The following SHC4 variants were observed in gnomAD, a reference collection of about 807,000 sequenced individuals.
SHC4 encodes SHC adaptor protein 4.
Under a neutral mutation model 69.4 loss-of-function variants are expected in SHC4, and 41 were observed. The ratio of observed to expected loss-of-function variants is 0.59; its 90% CI spans 0.46 to 0.77. The LOEUF (loss-of-function observed/expected upper bound fraction) is 0.77, where lower values mean the gene tolerates loss of function less well. SHC4 is among the 30% of genes least tolerant of loss of function. The probability of loss-of-function intolerance (pLI) is 0.00; values close to 1 mark genes in which losing one functional copy is unlikely to be tolerated. For missense variants in SHC4, 777 were observed against 783.8 expected, an observed-to-expected ratio of 0.99 and a Z score of 0.10; for synonymous variants, 318 against 299.3, an observed-to-expected ratio of 1.06 and a Z score of -0.64.
intron 1 of SHC4, among the ~76,000 whole-genome samples, chr15:48,960,306 A>G (rs1406825931): frequency 6.6e-6 from 1 of 152,186 alleles, no homozygotes; most frequent in African/African-American, 2.4e-5. Context: ...GAGGAAAGGA[A>G]AGCTGAGGCA....
Position 48,924,939 on chromosome 15 carries a change from C to A in SHC4, c.596G>T (p.Cys199Phe), listed in dbSNP as rs1301016344. ...GMNYCVRYMG[C>F]VEVLQSMRSL... ...TCTCATTGATTGCAGCACTTCAACA[C>A]AGCCCATGTACTACAATAAGAAGAA... The change falls in exon 2 of 12, where the codon TGT becomes TTT. Residue 199 changes from cysteine to phenylalanine, a missense_variant. Transcript: ENST00000332408. The A allele has an allele frequency of 6.2e-7, 1 of 1,614,070 alleles. No homozygotes were observed. Among genetic ancestry groups the A allele is most frequent in the Non-Finnish European group, 8.5e-7 (1 of 1,179,994 alleles).
intron 1 of SHC4, among the ~76,000 whole-genome samples, chr15:48,932,021 T>C (rs758448578): frequency 3.3e-5 from 5 of 152,168 alleles, no homozygotes; most frequent in South Asian, 4.2e-4. Flanking sequence ...TCAAGGATGA[T>C]CCAGTGTATT....
At chr15:48,859,180 A>G (rs914382107) in intron 6 of SHC4, among the ~76,000 whole-genome samples, 1 of 152,240 alleles carries the variant, frequency 6.6e-6, no homozygotes, top group Non-Finnish European at 1.5e-5. Flanking sequence ...ACAGTAAGTT[A>G]TAACAGAACC....
intron 2 of SHC4, among the ~76,000 whole-genome samples, chr15:48,918,507 T>C (rs2141020881): frequency 6.6e-6 from 1 of 152,374 alleles, no homozygotes; most frequent in East Asian, 1.9e-4. Context: ...ACTATTCAGG[T>C]TGTTTTGTTA....
intron 6 of SHC4, among the ~76,000 whole-genome samples, chr15:48,860,804 G>C (rs1313827487): frequency 6.6e-6 from 1 of 152,214 alleles, no homozygotes; most frequent in South Asian, 2.1e-4. Context: ...ATGTGACCTT[G>C]AACAAGTCAC....
chr15:48,961,520 C>A (rs1379650086), intron 1 of SHC4, among the ~76,000 whole-genome samples: 1 of 152,182 alleles, frequency 6.6e-6, no homozygotes, highest in African/African-American at 2.4e-5. Flanking sequence ...TCTTGGCCTA[C>A]CAGGAATCCC....
At chr15:48,956,397 T>C (rs942004529) in intron 1 of SHC4, among the ~76,000 whole-genome samples, 1 of 152,196 alleles carries the variant, frequency 6.6e-6, no homozygotes, top group Non-Finnish European at 1.5e-5. Flanking sequence ...TACCAGGCTA[T>C]GTGTGTGGCA....
chr15:48,884,529 C>CTT (rs113724764), intron 3 of SHC4, among the ~76,000 whole-genome samples, 162 bp from the exon 4 acceptor site: 98 of 151,854 alleles, frequency 6.5e-4, no homozygotes, highest in East Asian at 1.2e-3. Flanking sequence ...ATTAAATAAA[C>CTT]TTTTTTTTAA....
At chr15:48,898,068 C>T (rs990133937) in intron 2 of SHC4, among the ~76,000 whole-genome samples, 1 of 152,182 alleles carries the variant, frequency 6.6e-6, no homozygotes, top group Non-Finnish European at 1.5e-5. Context: ...ATTCAGACTG[C>T]ACATCCATGT....
intron 2 of SHC4, among the ~76,000 whole-genome samples, chr15:48,924,479 C>T (rs1900810987): frequency 6.6e-6 from 1 of 152,188 alleles, no homozygotes; most frequent in African/African-American, 2.4e-5. Flanking sequence ...AGCAGTTTCT[C>T]ACGTCAGGAA....
At chr15:48,878,504 G>T (rs1899872166) in intron 4 of SHC4, 1 of 1,614,048 alleles carries the variant, frequency 6.2e-7, no homozygotes, top group Non-Finnish European at 8.5e-7. Flanking sequence ...GGACGACTAC[G>T]ACTATCCCGA....
intron 2 of SHC4, among the ~76,000 whole-genome samples, chr15:48,904,407 T>C (rs1036250115): frequency 1.3e-5 from 2 of 152,216 alleles, no homozygotes; most frequent in Non-Finnish European, 2.9e-5. Flanking sequence ...AACTGCTATT[T>C]CAACAGCCTG....
intron 1 of SHC4, among the ~76,000 whole-genome samples, chr15:48,945,485 G>A (rs1380948329): frequency 1.3e-5 from 2 of 152,216 alleles, no homozygotes; most frequent in African/African-American, 4.8e-5. Context: ...AGTAACTGGT[G>A]AATGGATAAC....
intron 1 of SHC4, among the ~76,000 whole-genome samples, chr15:48,958,607 AG>A (rs1425740918): frequency 6.6e-6 from 1 of 152,226 alleles, no homozygotes; most frequent in Non-Finnish European, 1.5e-5. Context: ...CGTGTGAGAA[AG>A]GAACCCTACA....
chr15:48,832,521 CCT>C lies in SHC4; in HGVS notation c.1737+2246_1737+2247del, dbSNP rs1898825290. Among the ~76,000 whole-genome samples the C allele has an allele frequency of 2.6e-5, 4 of 152,138 alleles. No individual in the cohort carries two copies. In the South Asian group the frequency reaches 8.3e-4, roughly 32 times the overall value. On this transcript the variant is annotated intron_variant, in intron 11 of 11. Coordinates refer to ENST00000332408, the MANE Select transcript of SHC4 (RefSeq NM_203349.4). ...ATCATGATGTGAATGTCTTAGGGTT[CCT>C]CATAGTTGGAGTCCATTGGTCTTCT...
chr15:48,871,146 T>C (rs969356876), intron 5 of SHC4, among the ~76,000 whole-genome samples: 3 of 152,218 alleles, frequency 2.0e-5, no homozygotes, highest in African/African-American at 7.2e-5. Flanking sequence ...ATTGGTTCGT[T>C]CCTGAAGGAT....
intron 3 of SHC4, among the ~76,000 whole-genome samples, chr15:48,890,504 T>G (rs1167483752): frequency 6.6e-6 from 1 of 152,090 alleles, no homozygotes; most frequent in African/African-American, 2.4e-5. Flanking sequence ...CACCCTACAT[T>G]TCTGACATAA....
intron 6 of SHC4, among the ~76,000 whole-genome samples, chr15:48,861,717 AT>A (rs1440790315): frequency 6.6e-6 from 1 of 152,128 alleles, no homozygotes; most frequent in Non-Finnish European, 1.5e-5. Context: ...GAAAGTCTGG[AT>A]TTTTTTCATC....
chr15:48,840,589 G>A (rs1898972202), intron 10 of SHC4, among the ~76,000 whole-genome samples: 1 of 152,146 alleles, frequency 6.6e-6, no homozygotes, highest in African/African-American at 2.4e-5. Flanking sequence ...CATTATGGGG[G>A]AAGGTTAAAG....
Sources: gnomAD v4.1 joint callset for allele counts (sites outside exome capture counted in the v4.1 genomes callset) on GRCh38, gnomAD v4.1.1 for gene constraint, MANE v1.5 for transcripts, NCBI Gene and HGNC (gene_info 2026-07-23, HGNC 2026-07-21) for gene names.